Variants in ADGRL4 observed in about 807,000 individuals in gnomAD.
ADGRL4 encodes the protein adhesion G protein-coupled receptor L4.
In ADGRL4, 90 loss-of-function variants were observed where a neutral mutation model predicts 74.8. That is an observed-to-expected ratio of 1.20 (90% CI 1.02 to 1.43). ADGRL4 has a LOEUF of 1.43. Ranked by LOEUF, ADGRL4 falls within the 40% of genes most tolerant of loss-of-function variation. The pLI is 0.00. For missense variants in ADGRL4, 881 were observed against 814.3 expected, an observed-to-expected ratio of 1.08 and a Z score of -1.00; for synonymous variants, 311 against 279.2, an observed-to-expected ratio of 1.11 and a Z score of -1.14.
At chr1:78,947,557 G>C (rs1649629172) in intron 2 of ADGRL4, among the ~76,000 whole-genome samples, 1 of 152,062 alleles carries the variant, frequency 6.6e-6, no homozygotes, top group Admixed American at 6.6e-5. Context: ...AGCTGTGAGA[G>C]AATAAATTTC....
intron 4 of ADGRL4, among the ~76,000 whole-genome samples, chr1:78,938,704 G>T (rs1282930452): frequency 6.6e-6 from 1 of 151,984 alleles, no homozygotes; most frequent in Non-Finnish European, 1.5e-5. Context: ...TCTTTACAAT[G>T]TGATTAAGTG....
chr1:78,922,274 C>G (rs1228220009), intron 8 of ADGRL4, among the ~76,000 whole-genome samples: 1 of 151,986 alleles, frequency 6.6e-6, no homozygotes, highest in Non-Finnish European at 1.5e-5. Context: ...TAGATTATGT[C>G]TAAGCAGGCA....
rs1354852285 is a variant in ADGRL4 at position 78,920,387 on chromosome 1, C to G, written c.1258-1G>C. On this transcript the variant is annotated splice_acceptor_variant, in intron 9 of 14. Transcript: ENST00000370742. LOFTEE classifies it high-confidence loss of function. ...TAAGAATATTATAATCTTTAATACC[C>G]TAAGGGAAAATAATAATAAAGCAGT... 6.5e-7 allele frequency: 1 copy of G among 1,540,350 alleles called. No homozygotes were observed. Among genetic ancestry groups the G allele is most frequent in the Non-Finnish European group, 8.9e-7 (1 of 1,122,444 alleles).
intron 7 of ADGRL4, among the ~76,000 whole-genome samples, chr1:78,927,396 G>C (rs572258253): frequency 6.6e-6 from 1 of 152,198 alleles, no homozygotes; most frequent in South Asian, 2.1e-4. Context: ...CCAAGAACCA[G>C]AGTGTGAAGT....
At chr1:78,905,992 C>G (rs2100658837) in intron 12 of ADGRL4, among the ~76,000 whole-genome samples, 1 of 151,900 alleles carries the variant, frequency 6.6e-6, no homozygotes, top group African/African-American at 2.4e-5. Flanking sequence ...TAATTATTCT[C>G]CAGGAATAAC....
intron 2 of ADGRL4, among the ~76,000 whole-genome samples, chr1:78,961,167 C>T (rs980076064): frequency 2.7e-4 from 41 of 151,934 alleles, no homozygotes; most frequent in African/African-American, 9.2e-4. Flanking sequence ...CTGCAACCTC[C>T]GCCTCCTGGG....
intron 2 of ADGRL4, among the ~76,000 whole-genome samples, chr1:79,002,712 C>A (rs965826030): frequency 2.6e-5 from 4 of 151,994 alleles, no homozygotes; most frequent in Non-Finnish European, 4.4e-5. Flanking sequence ...AATCAATATG[C>A]TTGACTATAA....
chr1:78,919,877 G>A (rs1024788085), intron 10 of ADGRL4, among the ~76,000 whole-genome samples: 7 of 151,746 alleles, frequency 4.6e-5, no homozygotes, highest in African/African-American at 1.7e-4. Flanking sequence ...TCTCTCCTTG[G>A]CCTTTGTTTA....
chr1:78,986,589 T>C (rs12402323), intron 2 of ADGRL4, among the ~76,000 whole-genome samples: 21,769 of 151,698 alleles, frequency 0.14, 1,888 homozygotes, highest in East Asian at 0.36. Context: ...TCAGCCTGGA[T>C]GACAGAATGA....
intron 2 of ADGRL4, among the ~76,000 whole-genome samples, chr1:78,981,165 C>T (rs1279806425): frequency 1.3e-5 from 2 of 151,716 alleles, no homozygotes; most frequent in East Asian, 3.9e-4. Flanking sequence ...TCCCTTTCCC[C>T]CAAAGCAGTC....
intron 12 of ADGRL4, among the ~76,000 whole-genome samples, chr1:78,915,500 T>G (rs543934474): frequency 1.3e-5 from 2 of 152,000 alleles, no homozygotes; most frequent in Admixed American, 1.3e-4. Flanking sequence ...ACACCATCAT[T>G]TTTTCTTATT....
chr1:78,968,844 A>T (rs1373520892), intron 2 of ADGRL4, among the ~76,000 whole-genome samples: 1 of 152,220 alleles, frequency 6.6e-6, no homozygotes, highest in East Asian at 1.9e-4. Context: ...AAGATGGCTT[A>T]TAATAAGCTA....
At chr1:78,967,238 C>T (rs983824619) in intron 2 of ADGRL4, among the ~76,000 whole-genome samples, 2 of 152,154 alleles carry the variant, frequency 1.3e-5, no homozygotes, top group South Asian at 4.1e-4. Flanking sequence ...ACTAGGCTTG[C>T]TAAATGTTTT....
At chr1:78,937,637 T>C (rs779365405) in intron 6 of ADGRL4, among the ~76,000 whole-genome samples, 170 bp downstream of exon 6, 15 of 152,200 alleles carry the variant, frequency 9.9e-5, no homozygotes, top group Non-Finnish European at 2.1e-4. Context: ...ACTGGTACTT[T>C]ATTCACAATG....
chr1:78,897,613 A>G (rs2100652066), intron 12 of ADGRL4, among the ~76,000 whole-genome samples: 1 of 152,276 alleles, frequency 6.6e-6, no homozygotes, highest in Non-Finnish European at 1.5e-5. Context: ...CATGCCATTA[A>G]CAACAGTCAT....
chr1:78,969,671 T>C (rs1650130730), intron 2 of ADGRL4, among the ~76,000 whole-genome samples: 1 of 151,826 alleles, frequency 6.6e-6, no homozygotes, highest in African/African-American at 2.4e-5. Flanking sequence ...AAAGTCTGTT[T>C]TGCAAATGAC....
At chr1:78,985,118 T>C (rs780564726) in intron 2 of ADGRL4, among the ~76,000 whole-genome samples, 21 of 151,736 alleles carry the variant, frequency 1.4e-4, no homozygotes, top group Non-Finnish European at 2.4e-4. Flanking sequence ...TAGTCTCTTT[T>C]TTCTTCTGTT....
At chr1:78,982,729 A>G (rs958504383) in intron 2 of ADGRL4, among the ~76,000 whole-genome samples, 2 of 151,944 alleles carry the variant, frequency 1.3e-5, no homozygotes, top group African/African-American at 4.8e-5. Flanking sequence ...ACTGGAAAAT[A>G]AGAGAAATCC....
chr1:79,006,288 C>T (rs1480452292), intron 1 of ADGRL4, among the ~76,000 whole-genome samples: 1 of 152,128 alleles, frequency 6.6e-6, no homozygotes, highest in Non-Finnish European at 1.5e-5. Flanking sequence ...AAATGAAGCT[C>T]AAATCTGGCC....
Sources: gnomAD v4.1 joint callset for allele counts (sites outside exome capture counted in the v4.1 genomes callset) on GRCh38, gnomAD v4.1.1 for gene constraint, MANE v1.5 for transcripts, NCBI Gene and HGNC (gene_info 2026-07-23, HGNC 2026-07-21) for gene names.